MTCL2: variants seen among roughly 807,000 people sequenced by gnomAD.
MTCL2 encodes the protein microtubule cross-linking factor 2.
At chr20:36,809,961 A>G in the MTCL2 span, 5 of 1,591,468 alleles carry the variant, frequency 3.1e-6, no homozygotes, top group South Asian at 4.6e-5. Flanking sequence ...AGCTGCCTGG[A>G]AAGCGCTGGG....
At chr20:36,815,270 C>G in the MTCL2 span, 3 of 1,613,874 alleles carry the variant, frequency 1.9e-6, no homozygotes, top group African/African-American at 4.0e-5. The surrounding 1 kb of genome is among the most constrained non-coding windows in gnomAD (Gnocchi z 5.3). Context: ...TGAAGGCATT[C>G]AGCTCCTGCT....
the MTCL2 span, among the ~76,000 whole-genome samples, chr20:36,841,699 TTTGC>T: frequency 6.6e-6 from 1 of 152,030 alleles, no homozygotes. Context: ...TTGGGATTTG[TTTGC>T]TTGCTTTTGT....
chr20:36,829,637 C>T, the MTCL2 span, among the ~76,000 whole-genome samples: 1 of 151,796 alleles, frequency 6.6e-6, no homozygotes, highest in Admixed American at 6.6e-5. Context: ...CTCACCTCAG[C>T]CTCCTGAGTA....
the MTCL2 span, among the ~76,000 whole-genome samples, chr20:36,808,275 G>A: frequency 2.6e-5 from 4 of 151,024 alleles, no homozygotes; most frequent in Non-Finnish European, 4.4e-5. Context: ...AGAATTGCTT[G>A]AACCCGGGAG....
the MTCL2 span, among the ~76,000 whole-genome samples, chr20:36,819,813 A>G: frequency 5.9e-5 from 9 of 152,180 alleles, no homozygotes; most frequent in African/African-American, 2.2e-4. Context: ...CAAATGAGGC[A>G]GGGAGGCAGA....
chr20:36,829,327 T>A, the MTCL2 span: 1 of 1,032,950 alleles, frequency 9.7e-7, no homozygotes, highest in Non-Finnish European at 1.4e-6. Flanking sequence ...GGCAGGTTCC[T>A]ATCGCATCAC....
chr20:36,802,940 T>A, the MTCL2 span: 1 of 1,577,578 alleles, frequency 6.3e-7, no homozygotes, highest in East Asian at 2.3e-5. Flanking sequence ...GCTGCAGCTT[T>A]TCCTGGCTCC....
At chr20:36,798,587 G>T in the MTCL2 span, among the ~76,000 whole-genome samples, 2 of 152,184 alleles carry the variant, frequency 1.3e-5, no homozygotes, top group East Asian at 3.8e-4. Flanking sequence ...CCGAATCACT[G>T]CCAATGACAG....
At chr20:36,839,533 G>A in the MTCL2 span, 61 of 1,142,348 alleles carry the variant, frequency 5.3e-5, no homozygotes, top group Non-Finnish European at 5.6e-5. The surrounding 1 kb of genome is among the most constrained non-coding windows in gnomAD (Gnocchi z 5.1). Flanking sequence ...ATGAAGCACC[G>A]TGGGGGACCT....
At chr20:36,825,893 A>T in the MTCL2 span, among the ~76,000 whole-genome samples, 1 of 152,226 alleles carries the variant, frequency 6.6e-6, no homozygotes, top group African/African-American at 2.4e-5. Context: ...CAGCTGCAAA[A>T]GGATGTGAAC....
the MTCL2 span, among the ~76,000 whole-genome samples, chr20:36,803,869 A>C: frequency 2.0e-5 from 3 of 147,510 alleles, no homozygotes; most frequent in Non-Finnish European, 1.5e-5. Flanking sequence ...AGGCAGGAGA[A>C]TCTCTTGAAC....
At chr20:36,786,598 A>G in the MTCL2 span, 21 of 1,550,958 alleles carry the variant, frequency 1.4e-5, no homozygotes, top group Non-Finnish European at 1.8e-5. Flanking sequence ...CGGGCGAAGC[A>G]GGAGGTGAGA....
the MTCL2 span, among the ~76,000 whole-genome samples, chr20:36,846,051 TA>T: frequency 6.6e-6 from 1 of 151,896 alleles, no homozygotes; most frequent in Non-Finnish European, 1.5e-5. Flanking sequence ...ACTAAAAATA[TA>T]AAAATTAGCC....
chr20:36,842,881 G>A, the MTCL2 span, among the ~76,000 whole-genome samples: 4 of 152,232 alleles, frequency 2.6e-5, no homozygotes, highest in African/African-American at 9.6e-5. Flanking sequence ...AAGCAGGGGT[G>A]GGGGGTCCAA....
At chr20:36,803,482 C>T in the MTCL2 span, among the ~76,000 whole-genome samples, 1 of 152,042 alleles carries the variant, frequency 6.6e-6, no homozygotes, top group Non-Finnish European at 1.5e-5. Context: ...CATTAACCCC[C>T]ATGAGCTGGT....
At chr20:36,810,767 C>T in the MTCL2 span, among the ~76,000 whole-genome samples, 12 of 125,772 alleles carry the variant, frequency 9.5e-5, no homozygotes, top group Non-Finnish European at 1.5e-4. Context: ...AACGGAGTTT[C>T]GCCAGCTTTG....
chr20:36,859,907 C>T, the MTCL2 span: 1 of 1,231,026 alleles, frequency 8.1e-7, no homozygotes, highest in Non-Finnish European at 1.0e-6. Context: ...CAAGCCCTGG[C>T]AGCCTAGCGA....
At chr20:36,844,246 A>G in the MTCL2 span, among the ~76,000 whole-genome samples, 4 of 151,000 alleles carry the variant, frequency 2.6e-5, no homozygotes, top group Non-Finnish European at 5.9e-5. Flanking sequence ...AGAAAAAAAT[A>G]AAATAAAATA....
chr20:36,816,389 A>G, the MTCL2 span: 5 of 1,214,304 alleles, frequency 4.1e-6, no homozygotes, highest in African/African-American at 1.5e-5. Context: ...GGGGAGCACT[A>G]TGTGCTGGGA....
Sources: gnomAD v4.1 joint callset for allele counts (sites outside exome capture counted in the v4.1 genomes callset) on GRCh38, gnomAD v4.1.1 for gene constraint, Gnocchi (gnomAD v3.1) non-coding constraint, MANE v1.5 for transcripts, NCBI Gene and HGNC (gene_info 2026-07-23, HGNC 2026-07-21) for gene names.